The following HFM1 variants were observed in gnomAD, a reference collection of about 807,000 sequenced individuals.
HFM1 encodes probable ATP-dependent DNA helicase HFM1.
A neutral mutation model predicts 192.1 loss-of-function variants in HFM1; 169 were observed. That is an observed-to-expected ratio of 0.88 (90% CI 0.78 to 1.00). The LOEUF (loss-of-function observed/expected upper bound fraction) is 1.00. Among genes scored for constraint, HFM1 ranks in the 50% least tolerant of loss-of-function variants. The probability of loss-of-function intolerance (pLI) is 0.00; values close to 1 mark genes in which losing one functional copy is unlikely to be tolerated. For missense variants in HFM1, 1,661 were observed against 1,668.0 expected, an observed-to-expected ratio of 1.00 and a Z score of 0.07; for synonymous variants, 525 against 537.8, an observed-to-expected ratio of 0.98 and a Z score of 0.33.
chr1:91,300,067 A>T (rs895106403), intron 30 of HFM1, among the ~76,000 whole-genome samples: 3 of 152,100 alleles, frequency 2.0e-5, no homozygotes, highest in Non-Finnish European at 2.9e-5. Context: ...AGAGAGAAGA[A>T]TCAAATAGAC....
At chr1:91,368,771 G>A (rs1032565422) in intron 13 of HFM1, among the ~76,000 whole-genome samples, 1 of 152,084 alleles carries the variant, frequency 6.6e-6, no homozygotes, top group Non-Finnish European at 1.5e-5. Context: ...CTGTAAATGG[G>A]CTAAATGCTC....
intron 13 of HFM1, among the ~76,000 whole-genome samples, chr1:91,368,208 C>G (rs1371622516): frequency 6.6e-6 from 1 of 152,182 alleles, no homozygotes; most frequent in Non-Finnish European, 1.5e-5. Flanking sequence ...TCCAATCTAG[C>G]AAGGCAGGCC....
chr1:91,309,843 T>C (rs954108702), intron 30 of HFM1, among the ~76,000 whole-genome samples: 1 of 1,176 alleles, frequency 8.5e-4, no homozygotes, highest in Non-Finnish European at 2.2e-3. Flanking sequence ...CTTACCTCCA[T>C]GCATGAAAAA....
Position 91,378,432 on chromosome 1 carries a change from G to T in HFM1, c.1207C>A (p.Gln403Lys). 1 of 1,605,492 alleles carries T rather than the reference G, an allele frequency of 6.2e-7. No individual in the cohort carries two copies. Among genetic ancestry groups the T allele is most frequent in the Non-Finnish European group, 8.5e-7 (1 of 1,174,396 alleles). ...TCAATGAGAAACAGTCGAACCAGCT[G>T]AACCAAAGAGTTGTCTCTCCATTTC... The part of the protein sequence containing the change: ...TRKWRDNSLV[Q>K]LVRLFLIDEV... Residue 403 changes from glutamine to lysine, a missense_variant, in exon 10 of 39, where the codon CAG (glutamine) becomes AAG (lysine). By Grantham distance (53) the Gln-to-Lys change is moderately conservative (BLOSUM62 1). Coordinates refer to ENST00000370425, the MANE Select transcript of HFM1 (RefSeq NM_001017975.6).
At chr1:91,281,948 A>C (rs1667497055) in intron 30 of HFM1, among the ~76,000 whole-genome samples, 1 of 152,226 alleles carries the variant, frequency 6.6e-6, no homozygotes, top group Non-Finnish European at 1.5e-5. Context: ...TCACTAAAAG[A>C]CTATTACATT....
chr1:91,379,779 A>T (rs282034), intron 8 of HFM1, among the ~76,000 whole-genome samples: 151,966 of 152,240 alleles, frequency 1, 75,847 homozygotes, highest in Non-Finnish European at 1. Context: ...ATTAAAAAAA[A>T]TTTTTTAAAT....
chr1:91,287,630 T>C (rs1232673088), intron 30 of HFM1, among the ~76,000 whole-genome samples: 23 of 152,278 alleles, frequency 1.5e-4, no homozygotes, highest in Middle Eastern at 3.4e-3. Flanking sequence ...AGGAACGCAG[T>C]TCCTCACCAG....
intron 3 of HFM1, 41 bp downstream of exon 3, chr1:91,396,252 C>T: frequency 3.1e-6 from 3 of 953,498 alleles, no homozygotes; most frequent in Non-Finnish European, 4.9e-6. Context: ...TTGCCATGAA[C>T]TGTATGGGTT....
intron 20 of HFM1, among the ~76,000 whole-genome samples, chr1:91,342,048 T>A (rs116422320): frequency 1.2e-3 from 169 of 143,656 alleles, no homozygotes; most frequent in African/African-American, 4.3e-3. Context: ...CTGAAACTAT[T>A]CCAAAAATTT....
intron 13 of HFM1, among the ~76,000 whole-genome samples, chr1:91,358,913 G>T (rs902042852): frequency 1.3e-4 from 20 of 152,170 alleles, no homozygotes; most frequent in African/African-American, 4.8e-4. Flanking sequence ...GAAGTAGCTG[G>T]CTGTCATCTT....
At chr1:91,380,261 A>G in intron 7 of HFM1, 25 bp from the exon 8 acceptor site, 1 of 1,411,796 alleles carries the variant, frequency 7.1e-7, no homozygotes, top group Non-Finnish European at 9.6e-7. Flanking sequence ...GTAATCAATC[A>G]TGTAACATAT....
chr1:91,299,842 A>T (rs1648387804), intron 30 of HFM1, among the ~76,000 whole-genome samples: 1 of 152,222 alleles, frequency 6.6e-6, no homozygotes, highest in Non-Finnish European at 1.5e-5. Context: ...GGAAAGATCT[A>T]AAATTGACAC....
chr1:91,366,754 G>T (rs1021596550), intron 13 of HFM1, among the ~76,000 whole-genome samples: 2 of 152,206 alleles, frequency 1.3e-5, no homozygotes, highest in Non-Finnish European at 2.9e-5. Context: ...CATCTCACTG[G>T]GGAGTGTCAG....
chr1:91,388,047 G>C (rs1407427420), intron 4 of HFM1, among the ~76,000 whole-genome samples: 1 of 152,004 alleles, frequency 6.6e-6, no homozygotes, highest in Non-Finnish European at 1.5e-5. Context: ...ACACATCAAG[G>C]TGCTGACAGA....
intron 13 of HFM1, among the ~76,000 whole-genome samples, chr1:91,368,198 T>C (rs367947581): frequency 2.0e-5 from 3 of 151,976 alleles, no homozygotes; most frequent in Admixed American, 1.3e-4. Context: ...GGAGAACTTC[T>C]CCAATCTAGC....
intron 34 of HFM1, among the ~76,000 whole-genome samples, chr1:91,269,710 TGACA>T (rs1666092461): frequency 6.6e-6 from 1 of 152,188 alleles, no homozygotes; most frequent in African/African-American, 2.4e-5. Context: ...TGATACCACA[TGACA>T]GACAGACTCC....
intron 4 of HFM1, among the ~76,000 whole-genome samples, chr1:91,391,248 CTACTT>C (rs774871953): frequency 1.1e-4 from 16 of 152,226 alleles, no homozygotes; most frequent in South Asian, 2.1e-4. Flanking sequence ...TTGGAAAAAA[CTACTT>C]TAAAGTCCAC....
intron 13 of HFM1, among the ~76,000 whole-genome samples, chr1:91,358,952 T>A (rs1243434974): frequency 6.6e-6 from 1 of 152,164 alleles, no homozygotes; most frequent in Non-Finnish European, 1.5e-5. Flanking sequence ...ACTGGTGATA[T>A]TTCCAGGTAC....
chr1:91,296,134 T>C lies in HFM1; in HGVS notation c.3391+17215A>G, dbSNP rs113026184. Among the ~76,000 whole-genome samples, 354 of 152,290 alleles carry C rather than the reference T, an allele frequency of 2.3e-3. 1 individual carries two copies. The highest frequency in any genetic ancestry group is 8.0e-3 in the African/African-American group (333 of 41,566). Reference sequence around the variant, plus strand: ...TGGGGTTTCACCATGTTAGCCAGGATGGACTCAATCTCCTGACCTCATGAT... The same window carrying C: ...TGGGGTTTCACCATGTTAGCCAGGACGGACTCAATCTCCTGACCTCATGAT... On this transcript the variant is annotated intron_variant, in intron 30 of 38. Coordinates refer to ENST00000370425, the MANE Select transcript of HFM1 (RefSeq NM_001017975.6).
Sources: allele counts gnomAD v4.1 joint callset (sites outside exome capture counted in the v4.1 genomes callset), GRCh38; gene constraint gnomAD v4.1.1; transcripts MANE v1.5; gene names NCBI Gene and HGNC (gene_info 2026-07-23, HGNC 2026-07-21).